Variants in ARFGEF3 observed in about 807,000 individuals in gnomAD.
ARFGEF3 encodes ARFGEF family member 3, also known as brefeldin A-inhibited guanine nucleotide-exchange protein 3.
ARFGEF3 carries 96 observed loss-of-function variants against 221.7 expected under a neutral mutation model. The ratio of observed to expected loss-of-function variants is 0.43; its 90% confidence interval spans 0.37 to 0.51. The LOEUF is 0.51. ARFGEF3 is among the 20% of genes least tolerant of loss of function. The pLI is 0.00. For missense variants in ARFGEF3, 2,410 were observed against 2,789.9 expected (o/e 0.86, Z 3.07); for synonymous variants, 1,145 against 1,126.8 (o/e 1.02, Z -0.32).
intron 7 of ARFGEF3, among the ~76,000 whole-genome samples, chr6:138,245,243 A>G (rs1778464068): frequency 6.6e-6 from 1 of 152,216 alleles, no homozygotes; most frequent in Non-Finnish European, 1.5e-5. Context: ...CGGAGGTTGC[A>G]GTGAGCCAAG....
At chr6:138,184,026 C>T (rs1195960203) in intron 2 of ARFGEF3, among the ~76,000 whole-genome samples, 1 of 152,216 alleles carries the variant, frequency 6.6e-6, no homozygotes, top group East Asian at 1.9e-4. Flanking sequence ...CTGTGCGTTA[C>T]TGATGTGGAC....
chr6:138,297,997 A>G (rs1343427035), intron 21 of ARFGEF3, among the ~76,000 whole-genome samples: 2 of 152,306 alleles, frequency 1.3e-5, no homozygotes, highest in Non-Finnish European at 1.5e-5. Flanking sequence ...TTCACGTGGC[A>G]TTCTTAGGGT....
Position 138,238,551 on chromosome 6 carries a change from A to G in ARFGEF3, c.463A>G (p.Ile155Val), listed in dbSNP as rs1316105927. 1.2e-6 allele frequency: 2 copies of G among 1,613,760 alleles called. No homozygotes were observed. The highest frequency in any genetic ancestry group is 1.7e-6 in the Non-Finnish European group (2 of 1,179,788). Residue 155 changes from isoleucine (I) to valine (V), a missense_variant, in exon 6 of 34, where the codon ATA (isoleucine) becomes GTA (valine). By Grantham distance (29) the Ile-to-Val change is conservative. This residue lies in a region of ARFGEF3 where 570 missense variants were observed against 586.9 expected (regional missense o/e 0.97). Coordinates refer to ENST00000251691, the MANE Select transcript of ARFGEF3 (RefSeq NM_020340.5). The part of the protein sequence containing the change: ...TYISSCHQRS[I>V]NTAVRATLSQ... ...CATAAGCAGCTGTCACCAGCGTAGC[A>G]TAAACACTGCTGTGCGGGCAACTCT...
chr6:138,334,232 A>G lies in ARFGEF3; in HGVS notation c.5386A>G (p.Lys1796Glu). The stretch of plus-strand genomic sequence containing the variant: ...CCCCGGGCTGAAGTGCCTGCTGAAG[A>G]AAGTGTCTGGCATCGGGGGCGCCGC... ...TSPGLKCLLK[K>E]VSGIGGAANL... The change falls in exon 33 of 34, where the codon AAA becomes GAA. Residue 1796 changes from lysine (K) to glutamate (E), a missense_variant. Lys to Glu is a moderately conservative substitution (Grantham distance 56). Transcript: ENST00000251691. This position sits in a 1 kb window ranked among gnomAD's most constrained non-coding sequence, Gnocchi z 5.1. 1 of 1,613,914 alleles carries G rather than the reference A, an allele frequency of 6.2e-7. No individual in the cohort carries two copies. The highest frequency in any genetic ancestry group is 8.5e-7 in the Non-Finnish European group (1 of 1,179,866).
intron 6 of ARFGEF3, among the ~76,000 whole-genome samples, chr6:138,239,243 T>C (rs188786316): frequency 1.4e-3 from 209 of 152,316 alleles, no homozygotes; most frequent in African/African-American, 4.6e-3. Context: ...CTCTTCAAAA[T>C]TGGTGTTTTG....
chr6:138,194,424 A>G (rs1777370052), intron 2 of ARFGEF3, among the ~76,000 whole-genome samples: 1 of 152,214 alleles, frequency 6.6e-6, no homozygotes, highest in Non-Finnish European at 1.5e-5. Context: ...GATTCCGGGC[A>G]GGGTGCTAAC....
chr6:138,280,865 G>C (rs1431074598), intron 14 of ARFGEF3, among the ~76,000 whole-genome samples: 1 of 151,800 alleles, frequency 6.6e-6, no homozygotes, highest in African/African-American at 2.4e-5. Flanking sequence ...ACAAAAAGTT[G>C]GTTTCCTTCC....
At position 138,323,793 on chromosome 6, in the gene ARFGEF3, C is replaced by T; in HGVS notation, c.4869+20C>T. ...GTGAAGGTACATCACTGGGAGGAAG[C>T]CCTCCCTGGCACAGTTCTAACCATC... On this transcript the variant is annotated intron_variant, in intron 30 of 33. Transcript: ENST00000251691. 2 of 1,604,670 alleles carry T rather than the reference C, an allele frequency of 1.2e-6. No homozygotes were observed. The highest frequency in any genetic ancestry group is 2.7e-5 in the African/African-American group (2 of 74,832).
chr6:138,263,752 C>T lies in ARFGEF3; in HGVS notation c.2128+141C>T, dbSNP rs115768421. On this transcript the variant is annotated intron_variant, in intron 12 of 33. Transcript: ENST00000251691. Reference sequence around the variant, plus strand: ...TTGGGTTTCCCCAGTTTAAAGAGGGCGAAGAAATCTAAGACCTATTAGTGG... The same window carrying T: ...TTGGGTTTCCCCAGTTTAAAGAGGGTGAAGAAATCTAAGACCTATTAGTGG... 848 of 778,288 alleles carry T rather than the reference C, an allele frequency of 1.1e-3. 4 individuals carry two copies. In the African/African-American group the frequency reaches 0.012, roughly 11 times the overall value. 48.2% of individuals were successfully genotyped at this position (778,288 alleles called of 1,614,324 possible). A position where few individuals can be genotyped will look rare whatever the true frequency, so the allele number is the denominator to read the frequency against.
At chr6:138,309,143 C>T (rs1779780269) in intron 24 of ARFGEF3, among the ~76,000 whole-genome samples, 1 of 152,094 alleles carries the variant, frequency 6.6e-6, no homozygotes, top group Admixed American at 6.6e-5. Flanking sequence ...AGAATAATAT[C>T]AACCTTGTAT....
chr6:138,240,797 T>C (rs1778379951), intron 6 of ARFGEF3, among the ~76,000 whole-genome samples: 1 of 152,190 alleles, frequency 6.6e-6, no homozygotes, highest in Non-Finnish European at 1.5e-5. Context: ...CATAAGAATT[T>C]ACGTATTTTT....
At chr6:138,181,038 G>A (rs562446868) in intron 2 of ARFGEF3, among the ~76,000 whole-genome samples, 4 of 152,186 alleles carry the variant, frequency 2.6e-5, no homozygotes, top group East Asian at 1.9e-4. Flanking sequence ...AACCAGCTGC[G>A]TCTGTGGGCT....
chr6:138,292,020 A>G lies in ARFGEF3; in HGVS notation c.3335A>G (p.Lys1112Arg). The G allele has an allele frequency of 1.3e-6, 2 of 1,513,372 alleles. No individual in the cohort carries two copies. The highest frequency in any genetic ancestry group is 2.5e-5 in the South Asian group (2 of 80,054). The allele number at this position is 1,513,372 out of a possible 1,614,324, so 93.7% of individuals were successfully genotyped here. The change falls in exon 19 of 34, where the codon AAG becomes AGG. Residue 1112 changes from lysine (K) to arginine (R), a missense_variant. Lys to Arg is a conservative substitution (Grantham distance 26). This residue lies in a region of ARFGEF3 where 184 missense variants were observed against 141.8 expected (regional missense o/e 1.30). Transcript: ENST00000251691. ...CTCATGAGCGGGAGCAGCGCGGCCAAGGTGGTGCTCACCCTCTCCACGCAA... is the reference window on the plus strand; with the variant it reads ...CTCATGAGCGGGAGCAGCGCGGCCAGGGTGGTGCTCACCCTCTCCACGCAA... ...GSLMSGSSAAKVVLTLSTQAD... is the reference protein window; with the variant it reads ...GSLMSGSSAARVVLTLSTQAD...
chr6:138,240,749 T>C (rs902643844), intron 6 of ARFGEF3, among the ~76,000 whole-genome samples: 1 of 152,156 alleles, frequency 6.6e-6, no homozygotes, highest in Non-Finnish European at 1.5e-5. Flanking sequence ...ATTTGAAGCA[T>C]TTGTGATGTC....
intron 2 of ARFGEF3, among the ~76,000 whole-genome samples, chr6:138,203,450 C>T (rs910121885): frequency 4.6e-5 from 7 of 152,132 alleles, no homozygotes; most frequent in Non-Finnish European, 8.8e-5. Context: ...TTCTTTGTCC[C>T]ATGAATACTA....
At chr6:138,255,090 T>C (rs1778650750) in intron 9 of ARFGEF3, among the ~76,000 whole-genome samples, 1 of 152,252 alleles carries the variant, frequency 6.6e-6, no homozygotes, top group South Asian at 2.1e-4. Context: ...GGTGTCAGTA[T>C]GGAATTTGCA....
intron 8 of ARFGEF3, 73 bp downstream of exon 8, chr6:138,245,664 A>G (rs1778473555): frequency 9.2e-7 from 1 of 1,089,980 alleles, no homozygotes; most frequent in Non-Finnish European, 1.4e-6. Flanking sequence ...CTGCAGCATC[A>G]CTTCAAATTA....
At chr6:138,192,257 G>T (rs1466549534) in intron 2 of ARFGEF3, among the ~76,000 whole-genome samples, 1 of 152,138 alleles carries the variant, frequency 6.6e-6, no homozygotes, top group Non-Finnish European at 1.5e-5. Flanking sequence ...GGGAGGTCGA[G>T]GCAGGTGGCT....
intron 4 of ARFGEF3, among the ~76,000 whole-genome samples, chr6:138,226,692 A>C (rs1339935408): frequency 6.6e-6 from 1 of 152,188 alleles, no homozygotes; most frequent in Non-Finnish European, 1.5e-5. Context: ...TCAGAATGTT[A>C]ATCTAAACTT....
Sources: allele counts gnomAD v4.1 joint callset (sites outside exome capture counted in the v4.1 genomes callset), GRCh38; gene constraint gnomAD v4.1.1; regional missense constraint gnomAD v4.1.1; non-coding constraint Gnocchi (gnomAD v3.1); transcripts MANE v1.5; gene names NCBI Gene and HGNC (gene_info 2026-07-23, HGNC 2026-07-21).